The following TEX9 variants were observed in gnomAD, a reference collection of about 807,000 sequenced individuals.
TEX9 encodes testis expressed 9.
TEX9 carries 74 observed loss-of-function variants against 59.6 expected under a neutral mutation model. The ratio of observed to expected loss-of-function variants is 1.24; its 90% confidence interval spans 1.03 to 1.51. The LOEUF is 1.51. Ranked by LOEUF, TEX9 falls within the 40% of genes most tolerant of loss-of-function variation. The probability of loss-of-function intolerance (pLI) is 0.00; values close to 1 mark genes in which losing one functional copy is unlikely to be tolerated. For missense variants in TEX9, 522 were observed against 447.8 expected (o/e 1.17, Z -1.49); for synonymous variants, 186 against 152.2 (o/e 1.22, Z -1.64).
intron 1 of TEX9, among the ~76,000 whole-genome samples, chr15:56,266,625 C>T (rs1795802399): frequency 6.6e-6 from 1 of 152,100 alleles, no homozygotes. Context: ...TGGTTTCCAG[C>T]TTCATCCATG....
the TEX9 span, chr15:56,456,404 T>C: frequency 1.9e-6 from 3 of 1,606,046 alleles, no homozygotes; most frequent in Non-Finnish European, 2.5e-6. Context: ...CTGTTTTCTC[T>C]TACTTGTTGC....
chr15:56,407,608 A>G (rs1365603559), intron 9 of TEX9, among the ~76,000 whole-genome samples: 4 of 152,072 alleles, frequency 2.6e-5, no homozygotes, highest in Non-Finnish European at 5.9e-5. Context: ...TTTATTCTTA[A>G]TCAGTCCTAC....
At chr15:56,376,636 T>C (rs1245903806) in intron 3 of TEX9, among the ~76,000 whole-genome samples, 4 of 152,134 alleles carry the variant, frequency 2.6e-5, no homozygotes, top group Non-Finnish European at 1.5e-5. Flanking sequence ...TATAGAGTTG[T>C]TTGAGCTCCC....
intron 1 of TEX9, among the ~76,000 whole-genome samples, chr15:56,249,651 G>A (rs1477799948): frequency 6.9e-6 from 1 of 144,126 alleles, no homozygotes; most frequent in Admixed American, 7.4e-5. Flanking sequence ...GGCTAAGGCA[G>A]AGAATTGCTT....
chr15:56,319,845 G>C (rs1306757480), intron 1 of TEX9, among the ~76,000 whole-genome samples: 1 of 152,200 alleles, frequency 6.6e-6, no homozygotes. Flanking sequence ...ATTAAAGTCA[G>C]TGGTCAGAAG....
rs568545365 is a variant in TEX9, at chr15:56,391,029, T to C, written c.396-214T>C. Among the ~76,000 whole-genome samples the C allele has an allele frequency of 3.3e-5, 5 of 152,168 alleles. No homozygotes were observed. The South Asian group carries it at 1.0e-3, about 32-fold the overall frequency. Reference sequence around the variant, plus strand: ...TCTTGTAATATAGTCCTTGAAAGTATCACATGTAGATTTCATCATAAATTT... The same window carrying C: ...TCTTGTAATATAGTCCTTGAAAGTACCACATGTAGATTTCATCATAAATTT... On this transcript the variant is annotated intron_variant, in intron 6 of 12. Transcript: ENST00000352903.
At chr15:56,352,275 C>T (rs1372010278) in intron 1 of TEX9, among the ~76,000 whole-genome samples, 5 of 152,028 alleles carry the variant, frequency 3.3e-5, no homozygotes, top group South Asian at 2.1e-4. Flanking sequence ...GACAGAGTCT[C>T]GCCCTGTCGT....
At chr15:56,251,516 T>C (rs1269928750) in intron 1 of TEX9, among the ~76,000 whole-genome samples, 3 of 152,194 alleles carry the variant, frequency 2.0e-5, no homozygotes, top group Admixed American at 2.0e-4. Context: ...AACGGATTGA[T>C]TCCTTTTTTG....
At chr15:56,446,811 T>G, downstream of TEX9, 1 of 1,514,340 alleles carries the variant, frequency 6.6e-7, no homozygotes, top group Non-Finnish European at 9.1e-7. Flanking sequence ...TAAATGAAGC[T>G]AAAAACATAA....
In TEX9 at chr15:56,318,799, G is replaced by A. The variant is rs564173082; in HGVS notation, c.-106-54642G>A. On this transcript the variant is annotated intron_variant, in intron 1 of 5. Coordinates refer to the TEX9 transcript ENST00000560827. ...TTAATAGTATATAAAAATTTGCTCC[G>A]ATATAGCTCCACTTCTTCCTCCCTC... Among the ~76,000 whole-genome samples the A allele has an allele frequency of 1.5e-3, 233 of 151,994 alleles. 1 individual carries two copies. The highest frequency in any genetic ancestry group is 2.1e-3 in the Non-Finnish European group (146 of 67,938).
chr15:56,374,657 T>C (rs1385670268), intron 3 of TEX9: 2 of 152,074 alleles, frequency 1.3e-5, no homozygotes, highest in African/African-American at 4.8e-5. Flanking sequence ...TGACTATATA[T>C]TTTTTTACCT....
chr15:56,456,953 C>T, the TEX9 span, among the ~76,000 whole-genome samples: 1 of 152,114 alleles, frequency 6.6e-6, no homozygotes, highest in African/African-American at 2.4e-5. Context: ...ATGTCATCAA[C>T]ACGTCTAATT....
chr15:56,250,580 G>T (rs1469162894), intron 1 of TEX9, among the ~76,000 whole-genome samples: 1 of 152,138 alleles, frequency 6.6e-6, no homozygotes, highest in East Asian at 1.9e-4. Flanking sequence ...TGTGTACAAA[G>T]CGAGGTTCTA....
At position 56,302,320 on chromosome 15, in the gene TEX9, TACACACAC is replaced by T. The variant is rs56766153; in HGVS notation, c.-107+58077_-107+58084del. The stretch of plus-strand genomic sequence containing the variant: ...CTGGGCAACAGAGCAAGACACTGTT[TACACACAC>T]ACACACACACACACACACACACACA... On this transcript the variant is annotated intron_variant, in intron 1 of 5. Coordinates refer to the TEX9 transcript ENST00000560827. Among the ~76,000 whole-genome samples the T allele has an allele frequency of 3.3e-3, 450 of 135,788 alleles. 1 individual carries two copies. Among genetic ancestry groups the T allele is most frequent in the African/African-American group, 8.0e-3 (287 of 35,906 alleles). 89.1% of individuals were successfully genotyped at this position (135,788 alleles called of 152,430 possible). A position where few individuals can be genotyped will look rare whatever the true frequency, so the allele number is the denominator to read the frequency against.
intron 1 of TEX9, among the ~76,000 whole-genome samples, chr15:56,316,981 G>C (rs1280779498): frequency 1.3e-5 from 2 of 152,182 alleles, no homozygotes; most frequent in African/African-American, 4.8e-5. Context: ...CGCTTCCCAA[G>C]TGAGGCAATG....
chr15:56,248,944 T>G (rs1331251203), intron 1 of TEX9: 2 of 152,202 alleles, frequency 1.3e-5, no homozygotes, highest in Admixed American at 1.3e-4. Flanking sequence ...CATTCCTCCA[T>G]TCCTTTCAAG....
chr15:56,431,326 A>G (rs1470552345), intron 12 of TEX9: 2 of 1,580,324 alleles, frequency 1.3e-6, no homozygotes, highest in African/African-American at 2.7e-5. Context: ...TGTTTTTTTC[A>G]CTATTACAGG....
At chr15:56,396,178 G>A (rs1356745905) in intron 9 of TEX9, 1 of 152,060 alleles carries the variant, frequency 6.6e-6, no homozygotes, top group Non-Finnish European at 1.5e-5. Flanking sequence ...GTAAGAAAAT[G>A]TGCCCCCTTT....
intron 1 of TEX9, among the ~76,000 whole-genome samples, chr15:56,288,834 T>C (rs918904469): frequency 6.6e-6 from 1 of 150,966 alleles, no homozygotes; most frequent in African/African-American, 2.4e-5. Context: ...TCTACACTTT[T>C]GTCTCTCTCT....
Sources: gnomAD v4.1 joint callset for allele counts (sites outside exome capture counted in the v4.1 genomes callset) on GRCh38, gnomAD v4.1.1 for gene constraint, MANE v1.5 for transcripts, NCBI Gene and HGNC (gene_info 2026-07-23, HGNC 2026-07-21) for gene names.